Variants in ATP10B observed in about 807,000 individuals in gnomAD.
ATP10B encodes the protein ATPase phospholipid transporting 10B (putative), also known as phospholipid-transporting ATPase VB.
A neutral mutation model predicts 141.2 loss-of-function variants in ATP10B; 122 were observed. That is an observed-to-expected ratio of 0.86 (90% CI 0.75 to 1.00). The LOEUF (loss-of-function observed/expected upper bound fraction) is 1.00. Among genes scored for constraint, ATP10B ranks in the 50% least tolerant of loss-of-function variants. The pLI, the probability that ATP10B is intolerant of heterozygous loss-of-function variation, is 0.00. For missense variants in ATP10B, 1,876 were observed against 1,825.3 expected (o/e 1.03, Z -0.51); for synonymous variants, 685 against 692.0 (o/e 0.99, Z 0.16).
At chr5:160,653,274 CATA>C (rs1375353334) in intron 7 of ATP10B, among the ~76,000 whole-genome samples, 3 of 131,780 alleles carry the variant, frequency 2.3e-5, no homozygotes, top group African/African-American at 8.6e-5. Context: ...TACGTACATA[CATA>C]CATAGGTAGT....
At chr5:160,804,054 G>C (rs1581563443) in intron 1 of ATP10B, among the ~76,000 whole-genome samples, 1 of 152,114 alleles carries the variant, frequency 6.6e-6, no homozygotes, top group South Asian at 2.1e-4. Flanking sequence ...AGCAGATTCA[G>C]TGCAAAAATA....
At chr5:160,606,226 C>A (rs552398898) in intron 19 of ATP10B, among the ~76,000 whole-genome samples, 40 of 152,178 alleles carry the variant, frequency 2.6e-4, no homozygotes, top group Admixed American at 9.2e-4. Flanking sequence ...AAGTTTAGCC[C>A]CCTCTGAAAA....
rs780859149 is a variant in ATP10B, at chr5:160,604,020, C to T, written c.3182G>A (p.Ser1061Asn). 4 of 1,613,842 alleles carry T rather than the reference C, an allele frequency of 2.5e-6. No individual in the cohort carries two copies. The highest frequency in any genetic ancestry group is 1.1e-5 in the South Asian group (1 of 91,072). Residue 1061 changes from serine to asparagine, a missense_variant, in exon 20 of 26, where the codon AGC becomes AAC. Transcript: ENST00000327245. ...TCCAATATCAGCAGCTTGAATCATGCTTACATCATTTGCTCCATCACCTGA... is the reference window on the plus strand; with the variant it reads ...TCCAATATCAGCAGCTTGAATCATGTTTACATCATTTGCTCCATCACCTGA... ...LSIGDGANDVSMIQAADIGIG... is the reference protein window; with the variant it reads ...LSIGDGANDVNMIQAADIGIG...
At chr5:160,867,729 G>C in the ATP10B span, among the ~76,000 whole-genome samples, 1 of 152,116 alleles carries the variant, frequency 6.6e-6, no homozygotes, top group East Asian at 1.9e-4. Context: ...TTGTGTTTTA[G>C]TATAATAGAT....
At chr5:160,912,615 AAGAAAAGAAG>A in the ATP10B span, among the ~76,000 whole-genome samples, 2 of 151,800 alleles carry the variant, frequency 1.3e-5, no homozygotes, top group South Asian at 2.1e-4. Context: ...GAAAAGAGAA[AAGAAAAGAAG>A]AGAAAAGAAA....
At chr5:160,905,570 C>T in the ATP10B span, among the ~76,000 whole-genome samples, 1 of 149,788 alleles carries the variant, frequency 6.7e-6, no homozygotes, top group Admixed American at 6.6e-5. Flanking sequence ...TATGTGGGTC[C>T]TCAATTTCCT....
At chr5:160,893,115 G>A in the ATP10B span, among the ~76,000 whole-genome samples, 1 of 152,154 alleles carries the variant, frequency 6.6e-6, no homozygotes, top group Non-Finnish European at 1.5e-5. Context: ...ACAAAACTGG[G>A]AGGCCGTTTG....
rs1219159663 is a variant in ATP10B, at chr5:160,653,775, TATATAC to T, written c.676-4525_676-4520del. ...TACATAAATATATATAATATATACATATATACATATATATTATATAGACGTATATAC... is the reference window on the plus strand; with the variant it reads ...TACATAAATATATATAATATATACATATATATATTATATAGACGTATATAC... On this transcript the variant is annotated intron_variant, in intron 7 of 25. Coordinates refer to ENST00000327245, the MANE Select transcript of ATP10B (RefSeq NM_025153.3). Among the ~76,000 whole-genome samples, 935 of 121,702 alleles carry T rather than the reference TATATAC, an allele frequency of 7.7e-3. 29 individuals are homozygous for T. The highest frequency in any genetic ancestry group is 0.028 in the African/African-American group (854 of 29,986). The allele number at this position is 121,702 out of a possible 152,430, so 79.8% of individuals were successfully genotyped here. A position where few individuals can be genotyped will look rare whatever the true frequency, so the allele number is the denominator to read the frequency against.
At chr5:160,726,090 C>G (rs1386669260) in intron 2 of ATP10B, among the ~76,000 whole-genome samples, 1 of 152,104 alleles carries the variant, frequency 6.6e-6, no homozygotes, top group Non-Finnish European at 1.5e-5. Flanking sequence ...TCAGGAAAGC[C>G]ACTGAGAGAC....
At chr5:160,822,043 G>T (rs764537466) in intron 1 of ATP10B, among the ~76,000 whole-genome samples, 3 of 152,062 alleles carry the variant, frequency 2.0e-5, no homozygotes, top group Non-Finnish European at 4.4e-5. Flanking sequence ...CTTCAGCACA[G>T]CAAAGGAAAC....
At chr5:160,745,050 G>A (rs191002388) in intron 2 of ATP10B, among the ~76,000 whole-genome samples, 2 of 152,306 alleles carry the variant, frequency 1.3e-5, no homozygotes, top group East Asian at 3.9e-4. Context: ...TTCCTCAAAG[G>A]GTTGTTGTAA....
At chr5:160,715,582 G>C (rs1051811157) in intron 3 of ATP10B, among the ~76,000 whole-genome samples, 5 of 151,572 alleles carry the variant, frequency 3.3e-5, no homozygotes, top group South Asian at 2.1e-4. Flanking sequence ...CTTCTGCGTC[G>C]CTCACGCTGG....
At chr5:160,728,094 CCTTTA>C (rs202029077) in intron 2 of ATP10B, among the ~76,000 whole-genome samples, 4 of 54,294 alleles carry the variant, frequency 7.4e-5, no homozygotes, top group Non-Finnish European at 1.2e-4. Flanking sequence ...ATTGATTCTT[CCTTTA>C]CTTTTTTTTT....
At chr5:160,845,408 T>C (rs1328863889) in intron 1 of ATP10B, among the ~76,000 whole-genome samples, 2 of 152,038 alleles carry the variant, frequency 1.3e-5, no homozygotes, top group East Asian at 1.9e-4. Flanking sequence ...GTGGTTACAT[T>C]TGTGAAAAGG....
At chr5:160,831,951 A>C (rs918482601) in intron 1 of ATP10B, among the ~76,000 whole-genome samples, 17 of 152,224 alleles carry the variant, frequency 1.1e-4, no homozygotes, top group African/African-American at 4.1e-4. Flanking sequence ...GTATACTGGA[A>C]TTTCCAATCT....
the ATP10B span, among the ~76,000 whole-genome samples, chr5:160,892,805 C>T: frequency 1.3e-5 from 2 of 152,128 alleles, no homozygotes; most frequent in Admixed American, 6.5e-5. Flanking sequence ...GCAAGATCAA[C>T]TCAGAAGGTG....
Position 160,607,062 on chromosome 5 carries a change from A to C in ATP10B, c.2863T>G (p.Cys955Gly). ...AATTGCTTTAGCTCTTCCAATGCAC[A>C]ATTGAGGATGGATTCACAGGTCTCC... ...NQETCESILN[C>G]ALEELKQFRE... The change falls in exon 19 of 26, where the codon TGT (cysteine) becomes GGT (glycine). Residue 955 changes from cysteine to glycine, a missense_variant. By Grantham distance (159) the Cys-to-Gly change is radical (BLOSUM62 -3). Transcript: ENST00000327245. The C allele has an allele frequency of 6.2e-7, 1 of 1,613,398 alleles. No individual in the cohort carries two copies. The highest frequency in any genetic ancestry group is 1.3e-5 in the African/African-American group (1 of 75,010).
At chr5:160,609,843 G>A (rs536745977) in intron 18 of ATP10B, among the ~76,000 whole-genome samples, 6 of 152,270 alleles carry the variant, frequency 3.9e-5, no homozygotes, top group African/African-American at 7.2e-5. Flanking sequence ...GCACTTATCT[G>A]GAAAGAGATC....
chr5:160,871,667 A>G, the ATP10B span, among the ~76,000 whole-genome samples: 1 of 152,156 alleles, frequency 6.6e-6, no homozygotes, highest in African/African-American at 2.4e-5. Flanking sequence ...ATAGTCTCCA[A>G]TCTCATTCAG....
Sources: gnomAD v4.1 joint callset for allele counts (sites outside exome capture counted in the v4.1 genomes callset) on GRCh38, gnomAD v4.1.1 for gene constraint, MANE v1.5 for transcripts, NCBI Gene and HGNC (gene_info 2026-07-23, HGNC 2026-07-21) for gene names.